The following FAM120A variants were observed in gnomAD, a reference collection of about 807,000 sequenced individuals.
The protein encoded by FAM120A is constitutive coactivator of PPAR-gamma-like protein 1.
In FAM120A, 15 loss-of-function variants were observed where a neutral mutation model predicts 109.7. The ratio of observed to expected loss-of-function variants is 0.14; its 90% confidence interval spans 0.09 to 0.21. The LOEUF (loss-of-function observed/expected upper bound fraction) is 0.21. FAM120A is among the 10% of genes least tolerant of loss of function. The probability of loss-of-function intolerance (pLI) is 1.00; values close to 1 mark genes in which losing one functional copy is unlikely to be tolerated. For missense variants in FAM120A, 899 were observed against 1,439.3 expected, an observed-to-expected ratio of 0.62 and a Z score of 6.07; for synonymous variants, 493 against 572.8, an observed-to-expected ratio of 0.86 and a Z score of 1.99.
At position 93,452,757 on chromosome 9, in the gene FAM120A, T is replaced by G; in HGVS notation, c.474+368T>G. The G allele has an allele frequency of 6.3e-7, 1 of 1,596,878 alleles. No individual in the cohort carries two copies. The highest frequency in any genetic ancestry group is 8.5e-7 in the Non-Finnish European group (1 of 1,179,474). The stretch of plus-strand genomic sequence containing the variant: ...TCACTCACCTTCAACTTTGACAAAA[T>G]ACTCCCTTTTCTAATTTAGCCTGTT... On this transcript the variant is annotated intron_variant, in intron 1 of 17. Transcript: ENST00000277165. This position sits in a 1 kb window ranked among gnomAD's most constrained non-coding sequence, Gnocchi z 7.0.
intron 12 of FAM120A, among the ~76,000 whole-genome samples, chr9:93,553,132 C>A (rs965217676): frequency 6.6e-6 from 1 of 152,084 alleles, no homozygotes; most frequent in Non-Finnish European, 1.5e-5. Context: ...TGATTGATGA[C>A]CCTCATTTTT....
intron 13 of FAM120A, 151 bp from the exon 14 acceptor site, chr9:93,557,676 C>G: frequency 1.3e-6 from 1 of 781,058 alleles, no homozygotes; most frequent in Non-Finnish European, 2.0e-6. Flanking sequence ...TACAAATAAA[C>G]GTTAGCAAGT....
chr9:93,564,057 C>T (rs1450668889), intron 17 of FAM120A, among the ~76,000 whole-genome samples, 172 bp from the exon 18 acceptor site: 1 of 151,736 alleles, frequency 6.6e-6, no homozygotes, highest in East Asian at 1.9e-4. Context: ...CTGACTGAGA[C>T]AGGTAGAGCA....
chr9:93,488,575 C>T (rs1343626330), intron 3 of FAM120A, among the ~76,000 whole-genome samples: 5 of 152,092 alleles, frequency 3.3e-5, no homozygotes, highest in Non-Finnish European at 7.4e-5. Context: ...CTGAGCTCTC[C>T]GCCCAGTCCT....
At chr9:93,464,678 A>G (rs1435568973) in intron 1 of FAM120A, among the ~76,000 whole-genome samples, 1 of 152,214 alleles carries the variant, frequency 6.6e-6, no homozygotes, top group Non-Finnish European at 1.5e-5. Context: ...CATGACAAAA[A>G]TTAATCAAGG....
Position 93,564,375 on chromosome 9 carries a change from GA to G in FAM120A, c.3194del (p.Asn1065ThrfsTer17). ...MAEEKPAPQM[N>X]GSTGDARAPS... ...CCGAGGAGAAGCCGGCTCCCCAGATGAACGGGAGCACGGGTGACGCCAGGGC... is the reference window on the plus strand; with the variant it reads ...CCGAGGAGAAGCCGGCTCCCCAGATGACGGGAGCACGGGTGACGCCAGGGC... On this transcript the variant is annotated frameshift_variant, in exon 18 of 18. Coordinates refer to ENST00000277165, the MANE Select transcript of FAM120A (RefSeq NM_014612.5). LOFTEE classifies it high-confidence loss of function. The G allele has an allele frequency of 1.2e-6, 2 of 1,614,150 alleles. No homozygotes were observed. The highest frequency in any genetic ancestry group is 1.7e-6 in the Non-Finnish European group (2 of 1,180,026).
chr9:93,455,107 T>TCATAATAGC (rs1181078947), intron 1 of FAM120A, among the ~76,000 whole-genome samples: 3 of 152,228 alleles, frequency 2.0e-5, no homozygotes, highest in Non-Finnish European at 4.4e-5. Context: ...GCAGCTTAAT[T>TCATAATAGC]CATAATAGCC....
chr9:93,493,372 G>C (rs1293458081), intron 3 of FAM120A, among the ~76,000 whole-genome samples: 1 of 152,160 alleles, frequency 6.6e-6, no homozygotes, highest in Non-Finnish European at 1.5e-5. Context: ...TGATGTTGAG[G>C]TTAAGAGGGG....
chr9:93,461,416 C>T (rs1857785965), intron 1 of FAM120A, among the ~76,000 whole-genome samples: 1 of 152,240 alleles, frequency 6.6e-6, no homozygotes, highest in African/African-American at 2.4e-5. Context: ...GAAGAGTTTG[C>T]AAGTGTTACT....
chr9:93,468,847 A>G (rs896398797), intron 1 of FAM120A, among the ~76,000 whole-genome samples: 1 of 152,160 alleles, frequency 6.6e-6, no homozygotes, highest in African/African-American at 2.4e-5. Context: ...AAGAGTGTGA[A>G]CGTTTTACAG....
intron 7 of FAM120A, among the ~76,000 whole-genome samples, chr9:93,517,044 A>G (rs1860627832): frequency 3.9e-5 from 6 of 152,190 alleles, no homozygotes; most frequent in Admixed American, 3.9e-4. Context: ...GAAATGTAAG[A>G]GACATAGGTG....
intron 13 of FAM120A, among the ~76,000 whole-genome samples, chr9:93,557,625 C>T (rs1231616416): frequency 6.6e-6 from 1 of 152,218 alleles, no homozygotes; most frequent in Non-Finnish European, 1.5e-5. Flanking sequence ...CACAAGTCTG[C>T]AGACGACCAG....
chr9:93,565,707 A>C lies in FAM120A; in HGVS notation c.*1167A>C, dbSNP rs902716922. The C allele has an allele frequency of 1.5e-4, 22 of 150,670 alleles. No homozygotes were observed. Among genetic ancestry groups the C allele is most frequent in the African/African-American group, 3.0e-4 (12 of 40,658 alleles). The allele number at this position is 150,670 out of a possible 1,614,324, so 9.3% of individuals were successfully genotyped here. A position where few individuals can be genotyped will look rare whatever the true frequency, so the allele number is the denominator to read the frequency against. On this transcript the variant is annotated 3_prime_UTR_variant, in exon 18 of 18. Coordinates refer to ENST00000277165, the MANE Select transcript of FAM120A (RefSeq NM_014612.5). Reference sequence around the variant, plus strand: ...ACCCTTTGATCTTAAAAAAAAAAAAACCACCCCCCCCTTCTGTAGCAGGAA... The same window carrying C: ...ACCCTTTGATCTTAAAAAAAAAAAACCCACCCCCCCCTTCTGTAGCAGGAA...
At chr9:93,556,662 T>G (rs892313266) in intron 13 of FAM120A, 71 bp downstream of exon 13, 1 of 1,417,892 alleles carries the variant, frequency 7.1e-7, no homozygotes. Flanking sequence ...TCTGTCATCT[T>G]TTATACCATA....
chr9:93,498,265 C>T lies in FAM120A; in HGVS notation c.934-525C>T, dbSNP rs762570986. The stretch of plus-strand genomic sequence containing the variant: ...AAAATTAGCCAGGCGTGGTGGTGGG[C>T]GCCTGTAATGCCAGCTACTCGGGAT... On this transcript the variant is annotated intron_variant, in intron 4 of 17. Transcript: ENST00000277165. This position sits in a 1 kb window ranked among gnomAD's most constrained non-coding sequence, Gnocchi z 4.4. Among the ~76,000 whole-genome samples the T allele has an allele frequency of 2.0e-5, 3 of 152,140 alleles. No homozygotes were observed. The highest frequency in any genetic ancestry group is 2.9e-5 in the Non-Finnish European group (2 of 68,026).
intron 7 of FAM120A, chr9:93,523,448 T>C (rs925698616): frequency 1.7e-5 from 8 of 468,056 alleles, no homozygotes; most frequent in African/African-American, 1.5e-4. Flanking sequence ...TCCAGACAGA[T>C]ATCCACTTTA....
chr9:93,560,979 C>T lies in FAM120A; in HGVS notation c.2807-130C>T. The T allele has an allele frequency of 6.0e-6, 6 of 1,000,370 alleles. No homozygotes were observed. In the South Asian group the frequency reaches 7.9e-5, roughly 13 times the overall value. 62.0% of individuals were successfully genotyped at this position (1,000,370 alleles called of 1,614,324 possible). A position where few individuals can be genotyped will look rare whatever the true frequency, so the allele number is the denominator to read the frequency against. ...ATACACTACATAATAAAAAATTGTA[C>T]AAAACAGGAGAAAGTAGCTTCATAG... On this transcript the variant is annotated intron_variant, in intron 15 of 17. Transcript: ENST00000277165.
chr9:93,555,644 T>G (rs1862261724), intron 12 of FAM120A, among the ~76,000 whole-genome samples: 1 of 152,236 alleles, frequency 6.6e-6, no homozygotes, highest in African/African-American at 2.4e-5. Flanking sequence ...TTTCTCACTC[T>G]GCTTATCAGA....
intron 1 of FAM120A, among the ~76,000 whole-genome samples, chr9:93,462,784 A>T (rs1485727436): frequency 6.6e-6 from 1 of 152,148 alleles, no homozygotes; most frequent in Non-Finnish European, 1.5e-5. Context: ...ATGAGATCGT[A>T]TAGTATATGT....
Sources: allele counts gnomAD v4.1 joint callset (sites outside exome capture counted in the v4.1 genomes callset), GRCh38; gene constraint gnomAD v4.1.1; non-coding constraint Gnocchi (gnomAD v3.1); transcripts MANE v1.5; gene names NCBI Gene and HGNC (gene_info 2026-07-23, HGNC 2026-07-21).